The following SETX variants were observed in gnomAD, a reference collection of about 807,000 sequenced individuals.
SETX encodes the protein helicase senataxin.
In SETX, 90 loss-of-function variants were observed where a neutral mutation model predicts 227.2. The observed-to-expected ratio is 0.40, with a 90% confidence interval of 0.33 to 0.47. The LOEUF (loss-of-function observed/expected upper bound fraction) is 0.47. SETX is among the 20% of genes least tolerant of loss of function. The pLI is 0.91. For synonymous variants in SETX, 1,210 were observed against 1,113.2 expected (o/e 1.09, Z -1.73); for missense variants, 3,052 against 3,181.5 (o/e 0.96, Z 0.98).
intron 20 of SETX, 109 bp from the exon 21 acceptor site, chr9:132,278,366 G>A (rs1026128438): frequency 1.0e-5 from 10 of 989,820 alleles, no homozygotes; most frequent in Non-Finnish European, 1.5e-5. Context: ...CGTTCAGGTA[G>A]CATAAGATTA....
At position 132,353,691 on chromosome 9, in the gene SETX, T is replaced by C. The variant is rs961055482; in HGVS notation, c.-50A>G. 2.0e-5 allele frequency: 3 copies of C among 152,208 alleles called. No homozygotes were observed. Among genetic ancestry groups the C allele is most frequent in the Non-Finnish European group, 2.9e-5 (2 of 68,044 alleles). The allele number at this position is 152,208 out of a possible 1,614,324, so 9.4% of individuals were successfully genotyped here. On this transcript the variant is annotated 5_prime_UTR_variant, in exon 2 of 26. It removes the in-frame stop codon of an upstream open reading frame in the 5' UTR. Transcript: ENST00000224140. ...AGAAAAGTGATCGTCTCAGCTGGGCTTAGTTGTGAACAAACACGGATTTGC... is the reference window on the plus strand; with the variant it reads ...AGAAAAGTGATCGTCTCAGCTGGGCCTAGTTGTGAACAAACACGGATTTGC...
At chr9:132,313,603 G>A (rs1845795116) in intron 10 of SETX, among the ~76,000 whole-genome samples, 1 of 152,068 alleles carries the variant, frequency 6.6e-6, no homozygotes, top group Non-Finnish European at 1.5e-5. Context: ...GCAGTTACAG[G>A]TTTATCTGTT....
chr9:132,306,307 C>A (rs574756464), intron 11 of SETX, among the ~76,000 whole-genome samples: 1 of 152,138 alleles, frequency 6.6e-6, no homozygotes, highest in Non-Finnish European at 1.5e-5. Context: ...CTGCCTCTTG[C>A]GTTCAAGCAA....
chr9:132,282,060 A>C (rs1475527652), intron 19 of SETX, among the ~76,000 whole-genome samples: 1 of 151,590 alleles, frequency 6.6e-6, no homozygotes, highest in Non-Finnish European at 1.5e-5. Context: ...TCTCAAAAAA[A>C]ACAATAAATA....
chr9:132,283,538 A>G, intron 18 of SETX, 125 bp from the exon 19 acceptor site: 2 of 1,207,472 alleles, frequency 1.7e-6, no homozygotes, highest in African/African-American at 1.5e-5. Flanking sequence ...ATATTTAGTA[A>G]AAGTTAGGGG....
chr9:132,303,471 G>A (rs868734235), intron 11 of SETX, among the ~76,000 whole-genome samples: 4 of 150,600 alleles, frequency 2.7e-5, no homozygotes, highest in Non-Finnish European at 5.9e-5. Flanking sequence ...AACTGTGACC[G>A]TGGGTTAGGT....
intron 25 of SETX, chr9:132,269,280 A>T: frequency 1.7e-6 from 1 of 596,010 alleles, no homozygotes; most frequent in Non-Finnish European, 2.6e-6. Flanking sequence ...GGCCAATAAC[A>T]GCCACATTTA....
At chr9:132,285,014 G>C (rs188689869) in intron 18 of SETX, among the ~76,000 whole-genome samples, 166 of 152,138 alleles carry the variant, frequency 1.1e-3, no homozygotes, top group African/African-American at 3.9e-3. Context: ...GAGTAGGTGG[G>C]ATTACAGGTG....
intron 10 of SETX, among the ~76,000 whole-genome samples, chr9:132,321,822 TG>T (rs1252166990): frequency 6.6e-6 from 1 of 151,948 alleles, no homozygotes; most frequent in Non-Finnish European, 1.5e-5. Context: ...CACTCCAGCC[TG>T]GGCAACAGAG....
chr9:132,343,720 G>A (rs573665367), intron 4 of SETX, among the ~76,000 whole-genome samples: 7 of 152,216 alleles, frequency 4.6e-5, no homozygotes, highest in South Asian at 2.1e-4. Flanking sequence ...ATAATGTTTC[G>A]ATTTTTGATC....
At chr9:132,276,074 A>G (rs12340860) in intron 22 of SETX, among the ~76,000 whole-genome samples, 67,710 of 151,908 alleles carry the variant, frequency 0.45, 18,149 homozygotes, top group African/African-American at 0.75. Context: ...TACCGGACCC[A>G]AAATGCACCA....
In SETX at chr9:132,326,677, C is replaced by T; in HGVS notation, c.4921G>A (p.Val1641Ile). 6.2e-7 allele frequency: 1 copy of T among 1,614,124 alleles called. No homozygotes were observed. Among genetic ancestry groups the T allele is most frequent in the Admixed American group, 1.7e-5 (1 of 60,024 alleles). Residue 1641 changes from valine (V) to isoleucine (I), a missense_variant, in exon 10 of 26, where the codon GTT (valine) becomes ATT (isoleucine). Val to Ile is a conservative substitution (Grantham distance 29, BLOSUM62 3). Around this residue, in one of 10 missense-constraint regions of SETX, gnomAD observed 1,483 missense variants for 1,312.0 expected, o/e 1.13. Transcript: ENST00000224140. ...IQSILKVPQP[V>I]PLIAQKPVGE... ...ACTGGCTTCTGAGCTATGAGGGGAA[C>T]TGGCTGTGGTACTTTCAAAATCGAC...
intron 2 of SETX, among the ~76,000 whole-genome samples, chr9:132,353,231 C>A (rs1848691425): frequency 6.6e-6 from 1 of 152,196 alleles, no homozygotes; most frequent in Non-Finnish European, 1.5e-5. Context: ...ACACTTACCT[C>A]CCTTGACTTG....
chr9:132,286,581 C>G (rs1843912864), intron 17 of SETX, 87 bp from the exon 18 acceptor site: 1 of 913,680 alleles, frequency 1.1e-6, no homozygotes, highest in Non-Finnish European at 1.8e-6. Context: ...TTTAAAAGAG[C>G]CTGTATTTCA....
chr9:132,271,527 G>C (rs1296715973), intron 24 of SETX, among the ~76,000 whole-genome samples, 183 bp downstream of exon 24: 2 of 152,014 alleles, frequency 1.3e-5, no homozygotes, highest in Non-Finnish European at 2.9e-5. Context: ...ATTGCACCAA[G>C]ATCTAACAGT....
At position 132,329,016 on chromosome 9, in the gene SETX, T is replaced by C. The variant is rs764090795; in HGVS notation, c.2582A>G (p.Asn861Ser). ...TAATTGTTTCTCTTTTGGCAATACA[T>C]TGTTTTGAGATTTTTGTTCTCCATT... ...DKNGEQKSQN[N>S]VLPKEKQLKN... Residue 861 changes from asparagine to serine, a missense_variant, in exon 10 of 26, where the codon AAT (asparagine) becomes AGT (serine). Around this residue, in one of 10 missense-constraint regions of SETX, gnomAD observed 1,483 missense variants for 1,312.0 expected, o/e 1.13. Coordinates refer to ENST00000224140, the MANE Select transcript of SETX (RefSeq NM_015046.7). 16 of 1,607,280 alleles carry C rather than the reference T, an allele frequency of 1.0e-5. No individual in the cohort carries two copies. The highest frequency in any genetic ancestry group is 1.7e-5 in the Admixed American group (1 of 59,424).
intron 24 of SETX, among the ~76,000 whole-genome samples, chr9:132,271,269 T>TA (rs1469457557): frequency 1.3e-5 from 2 of 151,944 alleles, no homozygotes; most frequent in African/African-American, 4.8e-5. Flanking sequence ...TGGGTTAATA[T>TA]AAAAGACACC....
chr9:132,315,162 C>T (rs893965219), intron 10 of SETX, among the ~76,000 whole-genome samples: 54 of 152,270 alleles, frequency 3.5e-4, no homozygotes, highest in African/African-American at 1.2e-3. Flanking sequence ...GATGATCCGC[C>T]TACTGTGGCC....
In SETX at chr9:132,278,236, C is replaced by T. The variant is rs757223841; in HGVS notation, c.6676G>A (p.Asp2226Asn). The change falls in exon 21 of 26, where the codon GAC (aspartate) becomes AAC (asparagine). Residue 2226 changes from aspartate (D) to asparagine (N), a missense_variant. Around this residue, in one of 10 missense-constraint regions of SETX, gnomAD observed 412 missense variants for 589.0 expected, o/e 0.70. Coordinates refer to ENST00000224140, the MANE Select transcript of SETX (RefSeq NM_015046.7). ...ISMKAQEYGY[D>N]QSMMARFCRL... is the part of the protein sequence containing the mutation. ...CAGAAGCGAGCCATCATTGACTGGT[C>T]GTAGCCATACTCCTGTGCTTTCTGT... The T allele has an allele frequency of 6.8e-6, 11 of 1,613,926 alleles. No individual in the cohort carries two copies. In the South Asian group the frequency reaches 7.7e-5, roughly 11 times the overall value.
Sources: gnomAD v4.1 joint callset for allele counts (sites outside exome capture counted in the v4.1 genomes callset) on GRCh38, gnomAD v4.1.1 for gene constraint, gnomAD v4.1.1 regional missense constraint, MANE v1.5 for transcripts, NCBI Gene and HGNC (gene_info 2026-07-23, HGNC 2026-07-21) for gene names.